The following IMMP2L variants were observed in gnomAD, a reference collection of about 807,000 sequenced individuals.
IMMP2L encodes the protein inner mitochondrial membrane peptidase subunit 2.
A neutral mutation model predicts 19.3 loss-of-function variants in IMMP2L; 18 were observed. That is an observed-to-expected ratio of 0.93 (90% CI 0.64 to 1.38). The LOEUF (loss-of-function observed/expected upper bound fraction) is 1.38, where lower values mean the gene tolerates loss of function less well. IMMP2L is among the 40% of genes most tolerant of loss of function. The probability of loss-of-function intolerance (pLI) is 0.00; values close to 1 mark genes in which losing one functional copy is unlikely to be tolerated. For missense variants in IMMP2L, 233 were observed against 218.2 expected (o/e 1.07, Z -0.43); for synonymous variants, 76 against 73.0 (o/e 1.04, Z -0.21).
In IMMP2L at chr7:111,328,792, G is replaced by C. The variant is rs1326440527; in HGVS notation, c.239+158446C>G. 2.0e-5 allele frequency among the ~76,000 whole-genome samples: 3 copies of C among 151,898 alleles called. No individual in the cohort carries two copies. In the East Asian group the frequency reaches 5.8e-4, roughly 29 times the overall value. On this transcript the variant is annotated intron_variant, in intron 3 of 5. Transcript: ENST00000405709. Reference sequence around the variant, plus strand: ...AAATTCCCATGTAACTATTCCACATGAAACTTCAACGTGCCCTTGGACTTA... The same window carrying C: ...AAATTCCCATGTAACTATTCCACATCAAACTTCAACGTGCCCTTGGACTTA...
At chr7:111,203,569 CTTT>C (rs199683002) in intron 3 of IMMP2L, among the ~76,000 whole-genome samples, 17 of 127,804 alleles carry the variant, frequency 1.3e-4, no homozygotes, top group South Asian at 5.1e-4. Context: ...TATACTGGTT[CTTT>C]TTTTTTTTTT....
At chr7:111,427,177 A>G (rs1836165686) in intron 3 of IMMP2L, among the ~76,000 whole-genome samples, 1 of 145,044 alleles carries the variant, frequency 6.9e-6, no homozygotes, top group African/African-American at 2.5e-5. Flanking sequence ...GAGGATAGAA[A>G]TATCAGTGGA....
intron 5 of IMMP2L, among the ~76,000 whole-genome samples, chr7:110,749,186 C>T (rs1797569978): frequency 6.6e-6 from 1 of 152,158 alleles, no homozygotes; most frequent in South Asian, 2.1e-4. Context: ...CAAATCAAAA[C>T]CACAATGAGA....
chr7:111,266,581 C>T (rs2130047887), intron 3 of IMMP2L, among the ~76,000 whole-genome samples: 1 of 151,600 alleles, frequency 6.6e-6, no homozygotes, highest in East Asian at 1.9e-4. Context: ...GGTTCTATCT[C>T]CAGCTCTGGC....
At chr7:110,915,256 C>G (rs112447784) in intron 4 of IMMP2L, among the ~76,000 whole-genome samples, 1 of 152,068 alleles carries the variant, frequency 6.6e-6, no homozygotes, top group Non-Finnish European at 1.5e-5. Flanking sequence ...CGTGCGTGCA[C>G]GCACACACAC....
At chr7:110,808,089 A>G (rs1255272863) in intron 5 of IMMP2L, among the ~76,000 whole-genome samples, 1 of 152,108 alleles carries the variant, frequency 6.6e-6, no homozygotes, top group Non-Finnish European at 1.5e-5. Context: ...TTTCACTTTA[A>G]TAATTACATT....
intron 3 of IMMP2L, among the ~76,000 whole-genome samples, chr7:111,119,142 C>T (rs568085878): frequency 9.9e-4 from 150 of 152,228 alleles, no homozygotes; most frequent in African/African-American, 3.5e-3. Flanking sequence ...GCAGACCTAA[C>T]GAATTAATTG....
At chr7:111,382,330 C>A (rs535755148) in intron 3 of IMMP2L, among the ~76,000 whole-genome samples, 1 of 151,830 alleles carries the variant, frequency 6.6e-6, no homozygotes, top group Non-Finnish European at 1.5e-5. Context: ...TTCAGAGAAG[C>A]ATTGAAAAGT....
At chr7:111,067,438 C>T (rs563337573) in intron 3 of IMMP2L, among the ~76,000 whole-genome samples, 5 of 152,300 alleles carry the variant, frequency 3.3e-5, no homozygotes, top group East Asian at 1.9e-4. Flanking sequence ...TAGAGGCAGA[C>T]GGGAGGGAGA....
At chr7:111,423,270 G>C (rs1477451256) in intron 3 of IMMP2L, among the ~76,000 whole-genome samples, 1 of 151,850 alleles carries the variant, frequency 6.6e-6, no homozygotes. Flanking sequence ...CTATTGAATG[G>C]AATAGTTTCA....
chr7:111,397,928 G>A (rs951222933), intron 3 of IMMP2L, among the ~76,000 whole-genome samples: 1 of 151,896 alleles, frequency 6.6e-6, no homozygotes, highest in African/African-American at 2.4e-5. Flanking sequence ...TATCGAGGAA[G>A]GCCTTTCTGG....
chr7:111,392,899 C>T (rs1338426429), intron 3 of IMMP2L: 2 of 453,750 alleles, frequency 4.4e-6, no homozygotes, highest in Non-Finnish European at 8.9e-6. Flanking sequence ...GCTTTTGTCC[C>T]CATGGAGCTG....
chr7:111,514,749 C>G (rs1207845156), intron 2 of IMMP2L, among the ~76,000 whole-genome samples: 1 of 152,082 alleles, frequency 6.6e-6, no homozygotes. Flanking sequence ...CTTGTTTCAT[C>G]TGTAACCCTT....
chr7:111,004,987 A>G (rs539458424), intron 3 of IMMP2L, among the ~76,000 whole-genome samples: 1 of 152,278 alleles, frequency 6.6e-6, no homozygotes, highest in South Asian at 2.1e-4. Flanking sequence ...CCAGGTTGCT[A>G]TAAGATCCAA....
At chr7:110,720,674 T>C (rs1365015561) in intron 5 of IMMP2L, among the ~76,000 whole-genome samples, 1 of 152,186 alleles carries the variant, frequency 6.6e-6, no homozygotes, top group Non-Finnish European at 1.5e-5. Flanking sequence ...GGCCCTTCTG[T>C]TCTTATATTA....
chr7:110,879,637 G>A (rs902351469), intron 5 of IMMP2L, among the ~76,000 whole-genome samples: 8 of 151,918 alleles, frequency 5.3e-5, no homozygotes, highest in African/African-American at 1.9e-4. Flanking sequence ...ATCTAGTCAT[G>A]TTTCACCATG....
rs553005687 is a variant in IMMP2L at position 110,900,495 on chromosome 7, T to C, written c.306-13800A>G. On this transcript the variant is annotated intron_variant, in intron 4 of 5. Transcript: ENST00000405709. ...AGTCACCTCCTCACTAGTTTTCATG[T>C]CTCTCTTCTCCTCCATCTTTAGTCA... 3.9e-5 allele frequency among the ~76,000 whole-genome samples: 6 copies of C among 152,320 alleles called. No homozygotes were observed. The South Asian group carries it at 1.0e-3, about 26-fold the overall frequency.
chr7:111,404,779 T>C (rs745712278), intron 3 of IMMP2L, among the ~76,000 whole-genome samples: 4 of 152,076 alleles, frequency 2.6e-5, no homozygotes, highest in Admixed American at 6.6e-5. Flanking sequence ...TGTCAATTGG[T>C]ATTTCTTAAA....
chr7:111,080,625 A>C (rs982943151), intron 3 of IMMP2L, among the ~76,000 whole-genome samples: 3 of 152,172 alleles, frequency 2.0e-5, no homozygotes, highest in African/African-American at 7.2e-5. Flanking sequence ...TAATTGTCTA[A>C]GACAGTTAAA....
Sources: gnomAD v4.1 joint callset for allele counts (sites outside exome capture counted in the v4.1 genomes callset) on GRCh38, gnomAD v4.1.1 for gene constraint, MANE v1.5 for transcripts, NCBI Gene and HGNC (gene_info 2026-07-23, HGNC 2026-07-21) for gene names.